SPIRE1: variants seen among roughly 807,000 people sequenced by gnomAD.
SPIRE1 encodes the protein spire type actin nucleation factor 1.
A neutral mutation model predicts 94.1 loss-of-function variants in SPIRE1; 40 were observed. That is an observed-to-expected ratio of 0.43 (90% CI 0.33 to 0.55). The LOEUF is 0.55. Among genes scored for constraint, SPIRE1 ranks in the 20% least tolerant of loss-of-function variants. SPIRE1 has a pLI of 0.06. For missense variants in SPIRE1, 838 were observed against 975.2 expected, an observed-to-expected ratio of 0.86 and a Z score of 1.87; for synonymous variants, 376 against 371.7, an observed-to-expected ratio of 1.01 and a Z score of -0.13.
In SPIRE1 at chr18:12,650,666, C is replaced by T. The variant is rs556207781; in HGVS notation, c.337+6864G>A. Among the ~76,000 whole-genome samples the T allele has an allele frequency of 2.4e-3, 350 of 145,774 alleles. 3 individuals carry two copies. Among genetic ancestry groups the T allele is most frequent in the South Asian group, 0.014 (66 of 4,648 alleles). The stretch of plus-strand genomic sequence containing the variant: ...CAGAGGTTGCAGTAAGCCAAGATCA[C>T]GCCGCTGCACTCCAGCCTGGTGACA... On this transcript the variant is annotated intron_variant, in intron 1 of 16. Transcript: ENST00000409402.
At chr18:12,533,843 G>C (rs2034760220) in intron 4 of SPIRE1, among the ~76,000 whole-genome samples, 1 of 151,712 alleles carries the variant, frequency 6.6e-6, no homozygotes, top group African/African-American at 2.4e-5. Flanking sequence ...AGAAAACCTA[G>C]TTGAGGATGT....
intron 3 of SPIRE1, among the ~76,000 whole-genome samples, chr18:12,544,875 A>T (rs906832881): frequency 2.6e-5 from 4 of 152,148 alleles, no homozygotes; most frequent in African/African-American, 9.7e-5. Context: ...TAAGACAGCA[A>T]TCTGGCTATG....
chr18:12,496,813 G>A (rs1480788636), intron 6 of SPIRE1, among the ~76,000 whole-genome samples: 5 of 152,156 alleles, frequency 3.3e-5, no homozygotes, highest in Non-Finnish European at 5.9e-5. Flanking sequence ...AGCTTGCAGT[G>A]AGCTGAGATC....
chr18:12,532,549 T>C lies in SPIRE1; in HGVS notation c.729+2927A>G, dbSNP rs956862018. 2.6e-5 allele frequency among the ~76,000 whole-genome samples: 4 copies of C among 152,218 alleles called. No individual in the cohort carries two copies. In the East Asian group the frequency reaches 5.8e-4, roughly 22 times the overall value. ...TTTTTAATTTCGTTGAATCAGTCTATTGTTTCAAAAATTCCACTTGGTACA... is the reference window on the plus strand; with the variant it reads ...TTTTTAATTTCGTTGAATCAGTCTACTGTTTCAAAAATTCCACTTGGTACA... On this transcript the variant is annotated intron_variant, in intron 4 of 16. Transcript: ENST00000409402.
intron 1 of SPIRE1, among the ~76,000 whole-genome samples, chr18:12,648,416 A>G (rs2038284030): frequency 6.6e-6 from 1 of 152,142 alleles, no homozygotes; most frequent in Non-Finnish European, 1.5e-5. Context: ...CCAAAACTAT[A>G]ACCCAGTCTA....
chr18:12,576,659 G>A (rs2036109301), intron 2 of SPIRE1, among the ~76,000 whole-genome samples: 1 of 151,412 alleles, frequency 6.6e-6, no homozygotes, highest in South Asian at 2.1e-4. Context: ...GGAGGCCAAG[G>A]CGGGCAGATC....
intron 2 of SPIRE1, among the ~76,000 whole-genome samples, chr18:12,586,038 A>T (rs1170273573): frequency 6.6e-6 from 1 of 151,944 alleles, no homozygotes; most frequent in Non-Finnish European, 1.5e-5. Flanking sequence ...TTAACCTCAA[A>T]CTCCTGGGCT....
intron 1 of SPIRE1, among the ~76,000 whole-genome samples, chr18:12,654,261 C>G (rs1358255629): frequency 6.8e-6 from 1 of 147,866 alleles, no homozygotes; most frequent in Non-Finnish European, 1.5e-5. Flanking sequence ...TGCTTGAACC[C>G]TGGAGGCGGA....
intron 1 of SPIRE1, among the ~76,000 whole-genome samples, chr18:12,643,476 T>C (rs2038140404): frequency 6.6e-6 from 1 of 152,216 alleles, no homozygotes. Flanking sequence ...GTGTCCATTC[T>C]CTTTAGAATC....
upstream of SPIRE1, chr18:12,658,694 T>C: frequency 4.6e-6 from 2 of 437,810 alleles, no homozygotes; most frequent in South Asian, 3.2e-5. Context: ...TCCGGCAGTT[T>C]CCCGTGACCC....
chr18:12,571,294 C>G (rs1266221110), intron 2 of SPIRE1, among the ~76,000 whole-genome samples: 1 of 152,084 alleles, frequency 6.6e-6, no homozygotes, highest in Non-Finnish European at 1.5e-5. Flanking sequence ...AGGCTGGTCT[C>G]AAACTCTTGA....
chr18:12,622,509 G>A lies in SPIRE1; in HGVS notation c.372+12553C>T, dbSNP rs1477673139. 2.8e-5 allele frequency among the ~76,000 whole-genome samples: 4 copies of A among 143,378 alleles called. No homozygotes were observed. The South Asian group carries it at 7.0e-4, about 25-fold the overall frequency. 94.1% of individuals were successfully genotyped at this position (143,378 alleles called of 152,430 possible). A position where few individuals can be genotyped will look rare whatever the true frequency, so the allele number is the denominator to read the frequency against. On this transcript the variant is annotated intron_variant, in intron 2 of 16. Coordinates refer to ENST00000409402, the MANE Select transcript of SPIRE1 (RefSeq NM_001128626.2). ...GCGATCTTGGCTCACTGCAAGCTCC[G>A]CCTCCCCGGTTCACGCCATTCTCCT...
intron 16 of SPIRE1, 109 bp downstream of exon 16, chr18:12,452,145 CA>C (rs919274128): frequency 2.2e-6 from 3 of 1,361,264 alleles, no homozygotes; most frequent in Admixed American, 4.8e-5. Flanking sequence ...AACCAACCAA[CA>C]AACCAATAAA....
At chr18:12,626,421 T>G (rs28582228) in intron 2 of SPIRE1, among the ~76,000 whole-genome samples, 2 of 151,946 alleles carry the variant, frequency 1.3e-5, no homozygotes, top group African/African-American at 4.8e-5. Flanking sequence ...CAGACTACTT[T>G]ACAAGTTCCT....
chr18:12,467,394 G>A lies in SPIRE1; in HGVS notation c.1405-2436C>T, dbSNP rs959661688. ...GCAAAGCCTCTATCCCAGATACGAT[G>A]TAGGTCAGTCATAGTAATCTCCAAA... is the stretch of plus-strand genomic sequence containing the variant. On this transcript the variant is annotated intron_variant, in intron 10 of 16. Coordinates refer to ENST00000409402, the MANE Select transcript of SPIRE1 (RefSeq NM_001128626.2). 6.0e-4 allele frequency among the ~76,000 whole-genome samples: 91 copies of A among 152,214 alleles called. 2 individuals carry two copies. The highest frequency in any genetic ancestry group is 2.1e-4 in the South Asian group (1 of 4,830).
At chr18:12,573,325 G>A (rs376247825) in intron 2 of SPIRE1, among the ~76,000 whole-genome samples, 5 of 151,548 alleles carry the variant, frequency 3.3e-5, no homozygotes, top group Admixed American at 2.6e-4. Context: ...TAAAATACTC[G>A]TAACACCAAA....
intron 1 of SPIRE1, among the ~76,000 whole-genome samples, chr18:12,641,772 A>G (rs994861176): frequency 2.0e-5 from 3 of 151,576 alleles, no homozygotes; most frequent in African/African-American, 7.3e-5. Flanking sequence ...GCTTAAACCA[A>G]TTTCCCCCAA....
intron 2 of SPIRE1, among the ~76,000 whole-genome samples, chr18:12,619,384 T>A (rs2037398933): frequency 6.6e-6 from 1 of 151,844 alleles, no homozygotes; most frequent in Non-Finnish European, 1.5e-5. Context: ...GGCAGGCGCC[T>A]GTAATCCCAG....
chr18:12,462,517 T>G (rs751419201), intron 12 of SPIRE1, among the ~76,000 whole-genome samples: 11 of 152,344 alleles, frequency 7.2e-5, no homozygotes, highest in African/African-American at 2.6e-4. Context: ...AACCCTTGTG[T>G]GCTGCCCACT....
Sources: gnomAD v4.1 joint callset for allele counts (sites outside exome capture counted in the v4.1 genomes callset) on GRCh38, gnomAD v4.1.1 for gene constraint, MANE v1.5 for transcripts, NCBI Gene and HGNC (gene_info 2026-07-23, HGNC 2026-07-21) for gene names.